Variants in KLKB1 observed in about 807,000 individuals in gnomAD.
KLKB1 encodes kallikrein B1, also known as plasma kallikrein.
A neutral mutation model predicts 73.6 loss-of-function variants in KLKB1; 58 were observed. That is an observed-to-expected ratio of 0.79 (90% CI 0.64 to 0.98). KLKB1 has a LOEUF of 0.98. KLKB1 is among the 50% of genes least tolerant of loss of function. The pLI, the probability that KLKB1 is intolerant of heterozygous loss-of-function variation, is 0.00. For synonymous variants in KLKB1, 280 were observed against 258.1 expected, an observed-to-expected ratio of 1.08 and a Z score of -0.81; for missense variants, 737 against 763.8, an observed-to-expected ratio of 0.96 and a Z score of 0.41.
chr4:186,211,285 A>C (rs968269062), intron 2 of KLKB1: 1 of 152,250 alleles, frequency 6.6e-6, no homozygotes, highest in African/African-American at 2.4e-5. Flanking sequence ...TGATAGACCC[A>C]AAAAATATAA....
chr4:186,212,146 A>C (rs181411702), intron 2 of KLKB1: 1 of 152,312 alleles, frequency 6.6e-6, no homozygotes, highest in African/African-American at 2.4e-5. Flanking sequence ...AGAGATCTAT[A>C]CCCTTAAATC....
chr4:186,233,264 A>C lies in KLKB1; in HGVS notation c.222-688A>C, dbSNP rs189816618. 2.0e-5 allele frequency among the ~76,000 whole-genome samples: 3 copies of C among 152,324 alleles called. No individual in the cohort carries two copies. In the East Asian group the frequency reaches 5.8e-4, roughly 29 times the overall value. ...GAGATGCTTATTAATCACGAGCCAC[A>C]GTTTCATCTTAATGATTTTTCCTTT... On this transcript the variant is annotated intron_variant, in intron 3 of 14. Coordinates refer to ENST00000264690, the MANE Select transcript of KLKB1 (RefSeq NM_000892.5).
chr4:186,227,093 G>C (rs1319426031), upstream of KLKB1, among the ~76,000 whole-genome samples: 1 of 152,138 alleles, frequency 6.6e-6, no homozygotes, highest in Non-Finnish European at 1.5e-5. Context: ...TATCTTAACT[G>C]TCCCTCCTCC....
intron 1 of KLKB1, 134 bp from the exon 2 acceptor site, chr4:186,228,061 G>T: frequency 1.6e-6 from 1 of 636,914 alleles, no homozygotes; most frequent in Non-Finnish European, 2.8e-6. Flanking sequence ...AAAAACCCTT[G>T]TTTTCTATAC....
At chr4:186,239,380 G>A (rs1737887864) in intron 6 of KLKB1, among the ~76,000 whole-genome samples, 1 of 147,900 alleles carries the variant, frequency 6.8e-6, no homozygotes, top group East Asian at 2.0e-4. Flanking sequence ...AGAGTTATAG[G>A]TACAGTGATA....
intron 6 of KLKB1, among the ~76,000 whole-genome samples, chr4:186,248,314 C>T (rs904037746): frequency 2.0e-5 from 3 of 151,784 alleles, no homozygotes; most frequent in Admixed American, 6.6e-5. Context: ...TCCCATTGGC[C>T]GTCTTTCTCC....
chr4:186,257,423 T>C, intron 14 of KLKB1, 58 bp downstream of exon 14: 1 of 1,469,308 alleles, frequency 6.8e-7, no homozygotes, highest in Non-Finnish European at 9.2e-7. Context: ...CATTTCAAAA[T>C]ATATTTTCCA....
At chr4:186,217,286 G>GTTT (rs1361094237) in intron 2 of KLKB1, among the ~76,000 whole-genome samples, 1 of 147,810 alleles carries the variant, frequency 6.8e-6, no homozygotes, top group Admixed American at 6.7e-5. Flanking sequence ...TGTCCCAGTT[G>GTTT]TTTTGTTGTT....
At chr4:186,217,649 C>A (rs1736935792) in intron 2 of KLKB1, among the ~76,000 whole-genome samples, 1 of 152,074 alleles carries the variant, frequency 6.6e-6, no homozygotes, top group Non-Finnish European at 1.5e-5. Flanking sequence ...TCATTGTGGT[C>A]TTTAAATATT....
intron 2 of KLKB1, among the ~76,000 whole-genome samples, chr4:186,230,696 A>T (rs1737353328): frequency 6.6e-6 from 1 of 152,184 alleles, no homozygotes; most frequent in Admixed American, 6.5e-5. Context: ...CCTGACTGTC[A>T]CATAGCAGTT....
intron 6 of KLKB1, among the ~76,000 whole-genome samples, chr4:186,240,816 T>G (rs1033508723): frequency 2.0e-5 from 3 of 151,132 alleles, no homozygotes; most frequent in African/African-American, 4.9e-5. Flanking sequence ...TCTGGGAGAG[T>G]TTTTGAAGGC....
In KLKB1 at chr4:186,251,265, T is replaced by C. The variant is rs112140807; in HGVS notation, c.805T>C (p.Ser269Pro). 1 of 1,612,602 alleles carries C rather than the reference T, an allele frequency of 6.2e-7. No individual in the cohort carries two copies. Among genetic ancestry groups the C allele is most frequent in the Non-Finnish European group, 8.5e-7 (1 of 1,178,722 alleles). The change falls in exon 8 of 15, where the codon TCT becomes CCT. Residue 269 changes from serine (S) to proline (P), a missense_variant. Ser to Pro is a moderately conservative substitution (Grantham distance 74). Transcript: ENST00000264690. ...KTSESGTPSS[S>P]TPQENTISGY... ...ATCTGAAAGTGGCACACCAAGTTCC[T>C]CTACTCCTCAAGAAAACACCATATC...
At chr4:186,247,658 A>G (rs1738426767) in intron 6 of KLKB1, among the ~76,000 whole-genome samples, 1 of 152,244 alleles carries the variant, frequency 6.6e-6, no homozygotes, top group Admixed American at 6.5e-5. Flanking sequence ...ATCGCACTTT[A>G]TAAGACTTGA....
In KLKB1 at chr4:186,254,678, GATT is replaced by G. The variant is rs1738888001; in HGVS notation, c.1411_1413del (p.Ile471del). On this transcript the variant is annotated inframe_deletion, in exon 12 of 15. Coordinates refer to ENST00000264690, the MANE Select transcript of KLKB1 (RefSeq NM_000892.5). The stretch of plus-strand genomic sequence containing the variant: ...ATACACCTTTCTCACAAATAAAAGA[GATT>G]ATTATTCACCAAAACTATAAAGTCT... The G allele has an allele frequency of 6.2e-7, 1 of 1,613,148 alleles. No homozygotes were observed. The highest frequency in any genetic ancestry group is 8.5e-7 in the Non-Finnish European group (1 of 1,179,122).
At chr4:186,257,937 G>A in intron 14 of KLKB1, 84 bp from the exon 15 acceptor site, 3 of 1,175,950 alleles carry the variant, frequency 2.6e-6, no homozygotes, top group Non-Finnish European at 3.8e-6. Context: ...GCTGTGTAGT[G>A]GACTACAGAA....
At chr4:186,254,188 G>A (rs116351069) in intron 11 of KLKB1, among the ~76,000 whole-genome samples, 1,763 of 152,310 alleles carry the variant, frequency 0.012, 33 homozygotes, top group African/African-American at 0.04. Context: ...AATTAGAAGA[G>A]CATTAGAAGA....
At chr4:186,221,336 G>T (rs1737027459) in intron 2 of KLKB1, among the ~76,000 whole-genome samples, 2 of 149,964 alleles carry the variant, frequency 1.3e-5, no homozygotes, top group Admixed American at 6.6e-5. Context: ...TCTGTCTTTG[G>T]GCTTAGTTTT....
At chr4:186,231,504 T>C (rs4241817) in intron 2 of KLKB1, among the ~76,000 whole-genome samples, 85,357 of 152,096 alleles carry the variant, frequency 0.56, 24,330 homozygotes, top group East Asian at 0.68. Context: ...GAGTAAAAAA[T>C]ACTGTCAGTT....
chr4:186,255,036 G>A (rs754585672), intron 12 of KLKB1, among the ~76,000 whole-genome samples: 2 of 152,232 alleles, frequency 1.3e-5, no homozygotes, highest in Non-Finnish European at 2.9e-5. Context: ...TGTCTGTGCC[G>A]TCTGAGAGGC....
Sources: gnomAD v4.1 joint callset for allele counts (sites outside exome capture counted in the v4.1 genomes callset) on GRCh38, gnomAD v4.1.1 for gene constraint, MANE v1.5 for transcripts, NCBI Gene and HGNC (gene_info 2026-07-23, HGNC 2026-07-21) for gene names.